The following FOXP1 variants were observed in gnomAD, a reference collection of about 807,000 sequenced individuals.
The protein encoded by FOXP1 is forkhead box P1.
Under a neutral mutation model 98.2 loss-of-function variants are expected in FOXP1, and 15 were observed. The ratio of observed to expected loss-of-function variants is 0.15; its 90% confidence interval spans 0.10 to 0.24. The LOEUF (loss-of-function observed/expected upper bound fraction) is 0.24. FOXP1 is among the 10% of genes least tolerant of loss of function. The probability of loss-of-function intolerance (pLI) is 1.00; values close to 1 mark genes in which losing one functional copy is unlikely to be tolerated. For synonymous variants in FOXP1, 371 were observed against 314.5 expected (o/e 1.18, Z -1.90); for missense variants, 633 against 848.5 (o/e 0.75, Z 3.15).
chr3:71,545,179 T>C (rs1429863109), intron 2 of FOXP1, among the ~76,000 whole-genome samples: 1 of 152,162 alleles, frequency 6.6e-6, no homozygotes, highest in African/African-American at 2.4e-5. Context: ...CATGCTGTCA[T>C]GGAAATACCA....
chr3:71,278,761 G>A (rs1295506748), intron 5 of FOXP1, among the ~76,000 whole-genome samples: 1 of 152,108 alleles, frequency 6.6e-6, no homozygotes, highest in African/African-American at 2.4e-5. Context: ...CAGCCTGGGC[G>A]ACAGAGCGAG....
At chr3:71,495,955 C>T (rs1199985236) in intron 2 of FOXP1, among the ~76,000 whole-genome samples, 1 of 152,112 alleles carries the variant, frequency 6.6e-6, no homozygotes, top group African/African-American at 2.4e-5. Context: ...GCTGAGAAAT[C>T]CTCACTTTAT....
At chr3:71,113,447 C>A (rs2107755452) in intron 6 of FOXP1, among the ~76,000 whole-genome samples, 1 of 152,198 alleles carries the variant, frequency 6.6e-6, no homozygotes, top group South Asian at 2.1e-4. Flanking sequence ...AAAGTTCAAG[C>A]AGGCTGGGCG....
chr3:71,031,318 C>T (rs1454531288), intron 11 of FOXP1, among the ~76,000 whole-genome samples: 1 of 152,168 alleles, frequency 6.6e-6, no homozygotes, highest in Non-Finnish European at 1.5e-5. Flanking sequence ...ATTTGAAGGT[C>T]ATAAAAGTCT....
chr3:71,314,968 A>T (rs2074969497), intron 4 of FOXP1, among the ~76,000 whole-genome samples: 1 of 151,900 alleles, frequency 6.6e-6, no homozygotes, highest in South Asian at 2.1e-4. Flanking sequence ...ACCTTTAATA[A>T]CATGTTTCTT....
rs968569092 is a variant in FOXP1 at position 71,287,221 on chromosome 3, C to T, written c.-12+12599G>A. On this transcript the variant is annotated intron_variant, in intron 5 of 20. Coordinates refer to ENST00000649528, the MANE Select transcript of FOXP1 (RefSeq NM_001349338.3). The stretch of plus-strand genomic sequence containing the variant: ...AAGGTGGGATTACAGGTGTGAACTT[C>T]GGAACTTTGGGAGGCCGAGGTGGGT... 3.3e-5 allele frequency among the ~76,000 whole-genome samples: 5 copies of T among 152,228 alleles called. No homozygotes were observed. In the East Asian group the frequency reaches 5.8e-4, roughly 18 times the overall value.
chr3:71,198,414 TGGGGGGAGGGAG>T, intron 5 of FOXP1, 22 bp from the exon 6 acceptor site: 9 of 154,608 alleles, frequency 5.8e-5, no homozygotes, highest in Non-Finnish European at 1.1e-4. Flanking sequence ...ATTTCCAAGA[TGGGGGGAGGGAG>T]GGGGGGAGAA....
chr3:71,472,633 A>C (rs1560533387), intron 3 of FOXP1, among the ~76,000 whole-genome samples: 1 of 152,208 alleles, frequency 6.6e-6, no homozygotes, highest in Non-Finnish European at 1.5e-5. Context: ...AGGAAACCCC[A>C]GTCCAGAAAA....
At position 71,297,806 on chromosome 3, in the gene FOXP1, G is replaced by GAGTTTCACCA. The variant is rs112465860; in HGVS notation, c.-12+2013_-12+2014insTGGTGAAACT. ...AATTTTTGTATTTTTAGTAGAGACGGGGTTTCACCAGGTTGGTCTCGAACT... is the reference window on the plus strand; with the variant it reads ...AATTTTTGTATTTTTAGTAGAGACGGAGTTTCACCAGGTTTCACCAGGTTGGTCTCGAACT... On this transcript the variant is annotated intron_variant, in intron 5 of 20. Transcript: ENST00000649528. Among the ~76,000 whole-genome samples the GAGTTTCACCA allele has an allele frequency of 6.6e-5, 10 of 151,110 alleles. No individual in the cohort carries two copies. The South Asian group carries it at 1.9e-3, about 29-fold the overall frequency.
chr3:71,226,852 C>T (rs533705348), intron 5 of FOXP1, among the ~76,000 whole-genome samples: 7 of 152,232 alleles, frequency 4.6e-5, no homozygotes, highest in South Asian at 4.1e-4. Context: ...CGCTGTTCAC[C>T]GGCCAAGAAG....
At chr3:71,545,816 G>A (rs546961466) in intron 2 of FOXP1, among the ~76,000 whole-genome samples, 1 of 152,210 alleles carries the variant, frequency 6.6e-6, no homozygotes, top group Non-Finnish European at 1.5e-5. Flanking sequence ...TTAAGCTATT[G>A]CCATGTCCCT....
In FOXP1 at chr3:71,445,414, A is replaced by G. The variant is rs118084988; in HGVS notation, c.-168+48012T>C. On this transcript the variant is annotated intron_variant, in intron 3 of 20. Transcript: ENST00000649528. ...GAAGTCCACATTTTAACCATGGAATATACTGCCTCCCAAAGGTTCTGGAAA... is the reference window on the plus strand; with the variant it reads ...GAAGTCCACATTTTAACCATGGAATGTACTGCCTCCCAAAGGTTCTGGAAA... 1.8e-4 allele frequency among the ~76,000 whole-genome samples: 27 copies of G among 152,260 alleles called. 2 individuals carry two copies. In the East Asian group the frequency reaches 3.7e-3, roughly 21 times the overall value.
At chr3:71,546,565 AG>A (rs1156242423) in intron 2 of FOXP1, among the ~76,000 whole-genome samples, 2 of 151,954 alleles carry the variant, frequency 1.3e-5, no homozygotes, top group Non-Finnish European at 2.9e-5. Flanking sequence ...TCTATGATGC[AG>A]GGTTGAATAA....
chr3:71,570,581 T>A (rs2047264367), intron 2 of FOXP1: 3 of 152,174 alleles, frequency 2.0e-5, no homozygotes, highest in Non-Finnish European at 4.4e-5. Context: ...CCCACAGGTG[T>A]TCGAAAATAC....
intron 3 of FOXP1, among the ~76,000 whole-genome samples, chr3:71,445,312 C>T (rs1313567196): frequency 2.6e-5 from 4 of 152,204 alleles, no homozygotes; most frequent in Non-Finnish European, 5.9e-5. Flanking sequence ...ACAACTGAAA[C>T]GAGTGCCACA....
At chr3:71,374,394 G>C (rs1378891486) in intron 3 of FOXP1, among the ~76,000 whole-genome samples, 2 of 152,130 alleles carry the variant, frequency 1.3e-5, no homozygotes, top group African/African-American at 2.4e-5. Flanking sequence ...AGGAGTTTGA[G>C]GCCAGCCTGG....
chr3:70,964,165 G>A (rs1307177306), intron 20 of FOXP1, among the ~76,000 whole-genome samples: 1 of 152,188 alleles, frequency 6.6e-6, no homozygotes, highest in Non-Finnish European at 1.5e-5. Flanking sequence ...GCACAAACCT[G>A]TGAGATTTGA....
At chr3:71,313,760 C>T (rs920769929) in intron 4 of FOXP1, among the ~76,000 whole-genome samples, 15 of 152,040 alleles carry the variant, frequency 9.9e-5, no homozygotes, top group Non-Finnish European at 1.8e-4. Context: ...CTCCTGACCT[C>T]GTGATCCGCC....
intron 2 of FOXP1, among the ~76,000 whole-genome samples, chr3:71,525,709 AC>A (rs1173095526): frequency 1.3e-5 from 2 of 152,110 alleles, no homozygotes; most frequent in Non-Finnish European, 2.9e-5. Flanking sequence ...ACCTTCTTCT[AC>A]TGGCAAGTGA....
Sources: gnomAD v4.1 joint callset for allele counts (sites outside exome capture counted in the v4.1 genomes callset) on GRCh38, gnomAD v4.1.1 for gene constraint, MANE v1.5 for transcripts, NCBI Gene and HGNC (gene_info 2026-07-23, HGNC 2026-07-21) for gene names.